Variants in HACE1 observed in about 807,000 individuals in gnomAD.
HACE1 encodes E3 ubiquitin-protein ligase HACE1.
In HACE1, 73 loss-of-function variants were observed where a neutral mutation model predicts 118.4. The ratio of observed to expected loss-of-function variants is 0.62; its 90% CI spans 0.51 to 0.75. The LOEUF (loss-of-function observed/expected upper bound fraction) is 0.75, where lower values mean the gene tolerates loss of function less well. Ranked by LOEUF, HACE1 falls within the 30% of genes least tolerant of loss-of-function variation. The pLI is 0.00. For missense variants in HACE1, 749 were observed against 1,102.2 expected (o/e 0.68, Z 4.54); for synonymous variants, 368 against 374.8 (o/e 0.98, Z 0.21).
chr6:104,831,825 G>C (rs1461610627), intron 6 of HACE1, among the ~76,000 whole-genome samples: 1 of 141,662 alleles, frequency 7.1e-6, no homozygotes, highest in South Asian at 2.3e-4. Flanking sequence ...CCCGGGAGGC[G>C]GAGCTTGCAG....
At chr6:104,843,401 A>T in intron 4 of HACE1, 103 bp from the exon 5 acceptor site, 1 of 740,142 alleles carries the variant, frequency 1.4e-6, no homozygotes, top group Non-Finnish European at 2.5e-6. Flanking sequence ...AGCTGATGAC[A>T]TCATAACATC....
intron 22 of HACE1, among the ~76,000 whole-genome samples, chr6:104,742,759 C>T (rs1373223060): frequency 6.6e-6 from 1 of 151,910 alleles, no homozygotes; most frequent in African/African-American, 2.4e-5. Flanking sequence ...TGTGGCGATT[C>T]CTCAGGGATC....
intron 7 of HACE1, among the ~76,000 whole-genome samples, chr6:104,803,185 T>C (rs1277058848): frequency 6.6e-6 from 1 of 152,172 alleles, no homozygotes; most frequent in Non-Finnish European, 1.5e-5. Flanking sequence ...GGCTCTGAAA[T>C]TGAGGCAATA....
chr6:104,806,118 C>T (rs193100101), intron 7 of HACE1, among the ~76,000 whole-genome samples: 3 of 152,250 alleles, frequency 2.0e-5, no homozygotes, highest in Admixed American at 1.3e-4. Context: ...GGAGTAATTT[C>T]TAAAACCACA....
At chr6:104,758,198 C>T (rs1424123712) in intron 19 of HACE1, among the ~76,000 whole-genome samples, 3 of 152,084 alleles carry the variant, frequency 2.0e-5, no homozygotes. Flanking sequence ...ATACAGAGAA[C>T]ACCACAAAGA....
At chr6:104,776,361 C>T (rs2114742669) in intron 17 of HACE1, among the ~76,000 whole-genome samples, 1 of 152,222 alleles carries the variant, frequency 6.6e-6, no homozygotes, top group South Asian at 2.1e-4. Flanking sequence ...TCTACAAGCA[C>T]CATTAATTTA....
At chr6:104,770,337 T>C (rs1780476018) in intron 19 of HACE1, among the ~76,000 whole-genome samples, 3 of 152,142 alleles carry the variant, frequency 2.0e-5, no homozygotes, top group Admixed American at 6.5e-5. Context: ...CCATATTAAA[T>C]CTTAAAGTCA....
intron 20 of HACE1, among the ~76,000 whole-genome samples, chr6:104,747,089 A>C (rs1420498666): frequency 6.6e-6 from 1 of 152,214 alleles, no homozygotes; most frequent in Admixed American, 6.5e-5. Context: ...ATTCCAGAAT[A>C]AAATGTACAT....
intron 7 of HACE1, among the ~76,000 whole-genome samples, chr6:104,798,315 A>T (rs1769915406): frequency 6.6e-6 from 1 of 152,248 alleles, no homozygotes. Flanking sequence ...TCAGAAACTT[A>T]AAAAACAAAA....
intron 7 of HACE1, among the ~76,000 whole-genome samples, chr6:104,803,448 T>A (rs13308590): frequency 0.034 from 5,129 of 152,204 alleles, 271 homozygotes; most frequent in African/African-American, 0.12. Flanking sequence ...TGATGAACAT[T>A]GATGCAAAAA....
Position 104,729,670 on chromosome 6 carries a change from T to G in HACE1, c.2722A>C (p.Met908Leu). ...GAGTTTTCCAGACTTCATTATGCCATTGTGTAACCATAGCTGCCACAATGT... is the reference window on the plus strand; with the variant it reads ...GAGTTTTCCAGACTTCATTATGCCAGTGTGTAACCATAGCTGCCACAATGT... ...ALHCGSYGYTMA is the reference protein window; with the variant it reads ...ALHCGSYGYTLA Residue 908 changes from methionine (M) to leucine (L), a missense_variant, in exon 24 of 24, where the codon ATG becomes CTG. Met to Leu is a conservative substitution (Grantham distance 15). Coordinates refer to ENST00000262903, the MANE Select transcript of HACE1 (RefSeq NM_020771.4). The G allele has an allele frequency of 6.9e-7, 1 of 1,444,222 alleles. No individual in the cohort carries two copies. Among genetic ancestry groups the G allele is most frequent in the Non-Finnish European group, 9.8e-7 (1 of 1,024,904 alleles). 89.5% of individuals were successfully genotyped at this position (1,444,222 alleles called of 1,614,324 possible).
At chr6:104,761,099 A>G (rs1299591105) in intron 19 of HACE1, among the ~76,000 whole-genome samples, 1 of 152,218 alleles carries the variant, frequency 6.6e-6, no homozygotes. Context: ...GGAAGAAGCA[A>G]TATCATAAAA....
chr6:104,809,655 C>CTT (rs34661839), intron 7 of HACE1, among the ~76,000 whole-genome samples: 4,710 of 130,440 alleles, frequency 0.036, 226 homozygotes, highest in African/African-American at 0.11. Context: ...AGAGCAGATT[C>CTT]TTTTTTTTTT....
intron 9 of HACE1, 130 bp from the exon 10 acceptor site, chr6:104,795,815 A>AT: frequency 1.5e-6 from 1 of 646,126 alleles, no homozygotes; most frequent in Non-Finnish European, 2.7e-6. Context: ...TTTGTCTTGC[A>AT]TAAGTTTAAA....
intron 19 of HACE1, among the ~76,000 whole-genome samples, chr6:104,755,962 A>G (rs1778573329): frequency 6.6e-6 from 1 of 152,198 alleles, no homozygotes; most frequent in African/African-American, 2.4e-5. Context: ...GAGACACAAA[A>G]CAACCCTTCA....
chr6:104,852,228 T>TGTGTGTGTGTGC lies in HACE1; in HGVS notation c.131+88_131+89insGCACACACACAC, dbSNP rs142463116. Reference sequence around the variant, plus strand: ...GTGTGTGTGTGTGTGTGTGTGTGTGTGCGCGCGTGCGCGTGCACGGGCATG... The same window carrying TGTGTGTGTGTGC: ...GTGTGTGTGTGTGTGTGTGTGTGTGTGTGTGTGTGTGCGCGCGCGTGCGCGTGCACGGGCATG... On this transcript the variant is annotated intron_variant, in intron 2 of 23. Transcript: ENST00000262903. The TGTGTGTGTGTGC allele has an allele frequency of 1.0e-3, 665 of 661,094 alleles. 2 individuals carry two copies. The African/African-American group carries it at 0.014, about 14-fold the overall frequency. The allele number at this position is 661,094 out of a possible 1,614,324, so 41.0% of individuals were successfully genotyped here.
chr6:104,822,751 G>A (rs566051438), intron 6 of HACE1, among the ~76,000 whole-genome samples: 2 of 152,148 alleles, frequency 1.3e-5, no homozygotes, highest in Admixed American at 6.5e-5. Flanking sequence ...CAGCTACTCA[G>A]GAGGCCGAGG....
chr6:104,747,436 G>A (rs1167517095), intron 20 of HACE1, among the ~76,000 whole-genome samples: 1 of 152,040 alleles, frequency 6.6e-6, no homozygotes, highest in Non-Finnish European at 1.5e-5. Context: ...AATTTAACCT[G>A]AATCCTTTAA....
chr6:104,758,289 C>A lies in HACE1; in HGVS notation c.2212-7817G>T, dbSNP rs184418872. Among the ~76,000 whole-genome samples, 25 of 146,064 alleles carry A rather than the reference C, an allele frequency of 1.7e-4. No individual in the cohort carries two copies. The East Asian group carries it at 3.9e-3, about 23-fold the overall frequency. The stretch of plus-strand genomic sequence containing the variant: ...GAAATGAAGGAAAAAATGTTAAGGG[C>A]AGCCAGAGAGAAAGGTCGGGTTACC... On this transcript the variant is annotated intron_variant, in intron 19 of 23. Coordinates refer to ENST00000262903, the MANE Select transcript of HACE1 (RefSeq NM_020771.4).
Sources: gnomAD v4.1 joint callset for allele counts (sites outside exome capture counted in the v4.1 genomes callset) on GRCh38, gnomAD v4.1.1 for gene constraint, MANE v1.5 for transcripts, NCBI Gene and HGNC (gene_info 2026-07-23, HGNC 2026-07-21) for gene names.